The following COL19A1 variants were observed in gnomAD, a reference collection of about 807,000 sequenced individuals.
COL19A1 encodes the protein collagen type XIX alpha 1 chain.
Under a neutral mutation model 190.2 loss-of-function variants are expected in COL19A1, and 159 were observed. The ratio of observed to expected loss-of-function variants is 0.84; its 90% confidence interval spans 0.73 to 0.95. The LOEUF (loss-of-function observed/expected upper bound fraction) is 0.95. Among genes scored for constraint, COL19A1 ranks in the 40% least tolerant of loss-of-function variants. The pLI, the probability that COL19A1 is intolerant of heterozygous loss-of-function variation, is 0.00. For synonymous variants in COL19A1, 509 were observed against 458.9 expected (o/e 1.11, Z -1.39); for missense variants, 1,418 against 1,431.9 (o/e 0.99, Z 0.16).
chr6:70,199,599 T>C lies in COL19A1; in HGVS notation c.3095-9T>C, dbSNP rs1258157169. 2.0e-6 allele frequency: 3 copies of C among 1,535,874 alleles called. No individual in the cohort carries two copies. The highest frequency in any genetic ancestry group is 2.6e-6 in the Non-Finnish European group (3 of 1,138,490). ...CTATGATATATTATTTTTTCTTCTA[T>C]ACATGAAGAGAGGATGGCTGTATTC... On this transcript the variant is annotated splice_polypyrimidine_tract_variant and intron_variant, in intron 48 of 50. Transcript: ENST00000620364.
At chr6:69,938,675 A>G (rs964719249) in intron 9 of COL19A1, among the ~76,000 whole-genome samples, 1 of 152,108 alleles carries the variant, frequency 6.6e-6, no homozygotes, top group Non-Finnish European at 1.5e-5. Context: ...GAGAGTTGCA[A>G]GTGTCCTGGA....
At chr6:69,937,060 C>A in intron 8 of COL19A1, 150 bp downstream of exon 8, 2 of 1,111,068 alleles carry the variant, frequency 1.8e-6, no homozygotes, top group Admixed American at 2.6e-5. Flanking sequence ...AAGAAAAAGG[C>A]ATTGAAGATA....
chr6:70,034,045 C>T (rs532619724), intron 12 of COL19A1, among the ~76,000 whole-genome samples, 200 bp from the exon 13 acceptor site: 9 of 152,214 alleles, frequency 5.9e-5, no homozygotes, highest in Admixed American at 1.3e-4. Context: ...TGAGGACTCG[C>T]GCTGATTTAA....
chr6:70,097,324 C>T (rs1783338155), intron 15 of COL19A1, among the ~76,000 whole-genome samples: 1 of 152,000 alleles, frequency 6.6e-6, no homozygotes, highest in Admixed American at 6.6e-5. Flanking sequence ...ATTTATTTTA[C>T]TTAGTATAAT....
At chr6:69,929,726 G>C (rs1772630295) in intron 6 of COL19A1, 26 bp downstream of exon 6, 1 of 1,556,752 alleles carries the variant, frequency 6.4e-7, no homozygotes. Flanking sequence ...AGTTGTGAAA[G>C]AGAACTAAAA....
intron 24 of COL19A1, 108 bp from the exon 25 acceptor site, chr6:70,144,810 A>G (rs1786506444): frequency 2.8e-6 from 2 of 707,956 alleles, no homozygotes; most frequent in East Asian, 5.4e-5. Context: ...TGAATGAATG[A>G]AGTTTGACTG....
chr6:70,031,363 A>T (rs957213415), intron 12 of COL19A1, among the ~76,000 whole-genome samples: 3 of 152,146 alleles, frequency 2.0e-5, no homozygotes, highest in African/African-American at 7.2e-5. Context: ...TTTTAAAAGT[A>T]TGCTTATCCT....
intron 14 of COL19A1, among the ~76,000 whole-genome samples, chr6:70,039,257 G>A (rs1308960023): frequency 2.0e-5 from 3 of 152,254 alleles, no homozygotes; most frequent in Non-Finnish European, 2.9e-5. Context: ...GGCTCTGAAA[G>A]CATGTCTAAT....
intron 4 of COL19A1, among the ~76,000 whole-genome samples, chr6:69,904,328 G>A (rs770744329): frequency 1.2e-4 from 18 of 152,184 alleles, no homozygotes; most frequent in African/African-American, 1.9e-4. Context: ...TTAGCCACTC[G>A]ATTAATGTGT....
intron 14 of COL19A1, among the ~76,000 whole-genome samples, chr6:70,037,652 T>C (rs1186329973): frequency 1.3e-5 from 2 of 152,238 alleles, no homozygotes; most frequent in African/African-American, 4.8e-5. Context: ...AGTTATCTGA[T>C]TTCATTGTCA....
At chr6:70,032,658 T>A (rs1302639187) in intron 12 of COL19A1, among the ~76,000 whole-genome samples, 1 of 152,166 alleles carries the variant, frequency 6.6e-6, no homozygotes, top group African/African-American at 2.4e-5. Context: ...TACTAAATAT[T>A]GTAAATCTAA....
At chr6:70,143,359 A>G (rs1786388428) in intron 23 of COL19A1, among the ~76,000 whole-genome samples, 1 of 152,112 alleles carries the variant, frequency 6.6e-6, no homozygotes, top group Non-Finnish European at 1.5e-5. Flanking sequence ...CTTTCTATTC[A>G]TTATCCGGAT....
chr6:70,007,855 T>C (rs968646201), intron 11 of COL19A1, among the ~76,000 whole-genome samples: 15 of 151,942 alleles, frequency 9.9e-5, no homozygotes, highest in African/African-American at 3.6e-4. Flanking sequence ...ATTTTAAGGA[T>C]TCAAGTTATA....
Position 70,072,959 on chromosome 6 carries a change from T to TTTTTTTTATTTA in COL19A1, c.1224+4486_1224+4487insTTTTATTTATTT, listed in dbSNP as rs377498931. ...AGACTTTGGGGCCAGATTGCCTGAATTTTATTTATTTATTTATTTATTTAT... is the reference window on the plus strand; with the variant it reads ...AGACTTTGGGGCCAGATTGCCTGAATTTTTTTTATTTATTTATTTATTTATTTATTTATTTAT... On this transcript the variant is annotated intron_variant, in intron 15 of 50. Coordinates refer to ENST00000620364, the MANE Select transcript of COL19A1 (RefSeq NM_001858.6). Among the ~76,000 whole-genome samples, 81 of 144,178 alleles carry TTTTTTTTATTTA rather than the reference T, an allele frequency of 5.6e-4. 3 individuals carry two copies. The South Asian group carries it at 6.2e-3, about 11-fold the overall frequency. The allele number at this position is 144,178 out of a possible 152,430, so 94.6% of individuals were successfully genotyped here.
At chr6:70,027,726 C>G (rs1237122976) in intron 12 of COL19A1, among the ~76,000 whole-genome samples, 2 of 151,048 alleles carry the variant, frequency 1.3e-5, no homozygotes, top group African/African-American at 4.9e-5. Context: ...GAAAATTTAA[C>G]CTTGAAAATA....
intron 11 of COL19A1, among the ~76,000 whole-genome samples, chr6:69,976,234 C>G (rs999615467): frequency 5.9e-4 from 90 of 152,180 alleles, no homozygotes; most frequent in African/African-American, 1.9e-3. Context: ...CCTCTCCTAT[C>G]TTAACGTCTG....
chr6:70,158,401 T>C (rs1490999166), intron 34 of COL19A1, among the ~76,000 whole-genome samples: 1 of 152,106 alleles, frequency 6.6e-6, no homozygotes, highest in Non-Finnish European at 1.5e-5. Context: ...CAAATGTCTA[T>C]TGTACTCTAA....
intron 9 of COL19A1, among the ~76,000 whole-genome samples, chr6:69,956,346 T>A (rs1309464926): frequency 1.3e-5 from 2 of 151,954 alleles, no homozygotes; most frequent in African/African-American, 2.4e-5. Flanking sequence ...CCAAAAAATA[T>A]AAAGAATTCA....
chr6:70,049,184 C>T (rs557606972), intron 14 of COL19A1, among the ~76,000 whole-genome samples: 12 of 151,878 alleles, frequency 7.9e-5, no homozygotes, highest in African/African-American at 1.2e-4. Flanking sequence ...TCTAAAGTTG[C>T]GTAATTTGTA....
Sources: allele counts gnomAD v4.1 joint callset (sites outside exome capture counted in the v4.1 genomes callset), GRCh38; gene constraint gnomAD v4.1.1; transcripts MANE v1.5; gene names NCBI Gene and HGNC (gene_info 2026-07-23, HGNC 2026-07-21).